Variants in SOX5 observed in about 807,000 individuals in gnomAD.
The protein encoded by SOX5 is transcription factor SOX-5.
SOX5 carries 9 observed loss-of-function variants against 92.0 expected under a neutral mutation model. That is an observed-to-expected ratio of 0.10 (90% CI 0.06 to 0.17). The LOEUF (loss-of-function observed/expected upper bound fraction) is 0.17, where lower values mean the gene tolerates loss of function less well. Ranked by LOEUF, SOX5 falls within the 10% of genes least tolerant of loss-of-function variation. The pLI is 1.00. For missense variants in SOX5, 642 were observed against 944.5 expected, an observed-to-expected ratio of 0.68 and a Z score of 4.20; for synonymous variants, 344 against 336.3, an observed-to-expected ratio of 1.02 and a Z score of -0.25.
At chr12:23,881,453 A>G (rs930346950) in intron 2 of SOX5, among the ~76,000 whole-genome samples, 10 of 152,168 alleles carry the variant, frequency 6.6e-5, no homozygotes, top group African/African-American at 2.2e-4. Context: ...CAAGGGACAT[A>G]CAATACACAC....
intron 3 of SOX5, among the ~76,000 whole-genome samples, chr12:23,842,455 T>A (rs942412109): frequency 6.6e-6 from 1 of 152,156 alleles, no homozygotes; most frequent in African/African-American, 2.4e-5. Context: ...CACACATGTA[T>A]TTTCATTGCT....
At chr12:23,804,379 G>A (rs2095718314) in intron 3 of SOX5, among the ~76,000 whole-genome samples, 2 of 152,070 alleles carry the variant, frequency 1.3e-5, no homozygotes, top group South Asian at 4.1e-4. Context: ...GGTTATTGTT[G>A]TTAGTCAAAG....
At chr12:23,909,969 G>C (rs1023252418) in intron 1 of SOX5, among the ~76,000 whole-genome samples, 1 of 151,634 alleles carries the variant, frequency 6.6e-6, no homozygotes, top group Non-Finnish European at 1.5e-5. Context: ...TTTGCTGCTG[G>C]CAAGTTTATG....
In SOX5 at chr12:24,043,590, G is replaced by C. The variant is rs537008453; in HGVS notation, c.-1-147566C>G. Among the ~76,000 whole-genome samples the C allele has an allele frequency of 5.9e-5, 9 of 152,266 alleles. No individual in the cohort carries two copies. The East Asian group carries it at 1.7e-3, about 29-fold the overall frequency. ...AATTTCCCCAGAAATTAAGGTAAGGGTCCCCCAAGTTCATCATGGGATGGC... is the reference window on the plus strand; with the variant it reads ...AATTTCCCCAGAAATTAAGGTAAGGCTCCCCCAAGTTCATCATGGGATGGC... On this transcript the variant is annotated intron_variant, in intron 4 of 4. Coordinates refer to the SOX5 transcript ENST00000446891.
At chr12:23,709,215 C>T (rs1448234793) in intron 6 of SOX5, among the ~76,000 whole-genome samples, 1 of 152,112 alleles carries the variant, frequency 6.6e-6, no homozygotes, top group Non-Finnish European at 1.5e-5. Context: ...GAACCTCCCA[C>T]CTCAGCCTCC....
At chr12:24,540,130 C>T (rs936553655) in intron 1 of SOX5, among the ~76,000 whole-genome samples, 3 of 152,076 alleles carry the variant, frequency 2.0e-5, no homozygotes, top group Non-Finnish European at 4.4e-5. Context: ...TAAAATTATA[C>T]TGAGATGTTC....
At chr12:23,751,047 C>T (rs888656945) in intron 4 of SOX5, among the ~76,000 whole-genome samples, 4 of 151,782 alleles carry the variant, frequency 2.6e-5, no homozygotes, top group African/African-American at 4.8e-5. Flanking sequence ...ATAGTTTTTA[C>T]AAAAAGTGAA....
chr12:24,481,495 A>T (rs192178244), intron 1 of SOX5, among the ~76,000 whole-genome samples: 1 of 152,320 alleles, frequency 6.6e-6, no homozygotes, highest in East Asian at 1.9e-4. Context: ...TGTGATTATT[A>T]TGCATTGCAT....
intron 11 of SOX5, among the ~76,000 whole-genome samples, chr12:23,549,090 T>A (rs900896486): frequency 1.3e-5 from 2 of 152,038 alleles, no homozygotes; most frequent in African/African-American, 4.8e-5. Context: ...ATATTTCCTT[T>A]TCTAAAAGTG....
intron 2 of SOX5, among the ~76,000 whole-genome samples, chr12:24,339,389 A>G (rs1952314642): frequency 1.3e-5 from 2 of 152,160 alleles, no homozygotes; most frequent in Non-Finnish European, 2.9e-5. Context: ...AGCAGAGGGT[A>G]CAACATGTGT....
chr12:23,905,876 C>G (rs946426892), intron 1 of SOX5, among the ~76,000 whole-genome samples: 1 of 152,078 alleles, frequency 6.6e-6, no homozygotes, highest in Non-Finnish European at 1.5e-5. Flanking sequence ...ACTTTACCTT[C>G]GATCATTAAA....
intron 2 of SOX5, among the ~76,000 whole-genome samples, chr12:23,869,143 C>T (rs1261685046): frequency 3.3e-5 from 5 of 152,074 alleles, no homozygotes; most frequent in African/African-American, 7.2e-5. Flanking sequence ...AATACTTAAC[C>T]TAATTCCTAG....
chr12:23,759,040 C>CACAG (rs1192947820), intron 3 of SOX5, among the ~76,000 whole-genome samples: 2 of 143,192 alleles, frequency 1.4e-5, no homozygotes, highest in African/African-American at 5.3e-5. Flanking sequence ...GACACACACA[C>CACAG]ACACACACAC....
intron 4 of SOX5, among the ~76,000 whole-genome samples, chr12:24,039,872 C>A (rs555717316): frequency 3.9e-4 from 60 of 152,206 alleles, no homozygotes; most frequent in Middle Eastern, 3.4e-3. Context: ...TGTGTCCTAC[C>A]GGAAGTGTCT....
chr12:24,126,588 T>C (rs1485750968), intron 4 of SOX5, among the ~76,000 whole-genome samples: 1 of 152,202 alleles, frequency 6.6e-6, no homozygotes, highest in Admixed American at 6.5e-5. Context: ...ATTCAGCCCA[T>C]TAGCACCTTT....
chr12:24,097,044 TTTTG>T (rs1216769941), intron 4 of SOX5, among the ~76,000 whole-genome samples: 11 of 152,260 alleles, frequency 7.2e-5, no homozygotes, highest in East Asian at 1.9e-4. Flanking sequence ...GCTAGTTATT[TTTTG>T]TTTGTTTGTT....
intron 1 of SOX5, among the ~76,000 whole-genome samples, chr12:24,429,651 C>CACACACA (rs1365408633): frequency 6.7e-6 from 1 of 150,184 alleles, no homozygotes; most frequent in South Asian, 2.2e-4. Context: ...CACACACACA[C>CACACACA]CCCATGAGCA....
At chr12:23,560,410 A>G (rs1313646016) in intron 11 of SOX5, among the ~76,000 whole-genome samples, 1 of 152,250 alleles carries the variant, frequency 6.6e-6, no homozygotes, top group African/African-American at 2.4e-5. Context: ...ACTCTAATAA[A>G]AAGATAAGTA....
intron 6 of SOX5, among the ~76,000 whole-genome samples, chr12:23,699,482 T>C (rs914908513): frequency 1.5e-4 from 23 of 152,342 alleles, no homozygotes; most frequent in African/African-American, 5.3e-4. Context: ...TTAGTTATCT[T>C]TCAAATATTT....
Sources: gnomAD v4.1 joint callset for allele counts (sites outside exome capture counted in the v4.1 genomes callset) on GRCh38, gnomAD v4.1.1 for gene constraint, MANE v1.5 for transcripts, NCBI Gene and HGNC (gene_info 2026-07-23, HGNC 2026-07-21) for gene names.